The following DOP1B variants were observed in gnomAD, a reference collection of about 807,000 sequenced individuals.
DOP1B encodes the protein DOP1 leucine zipper like protein B.
DOP1B carries 174 observed loss-of-function variants against 233.5 expected under a neutral mutation model. The ratio of observed to expected loss-of-function variants is 0.75; its 90% confidence interval spans 0.66 to 0.85. DOP1B has a LOEUF of 0.85. Ranked by LOEUF, DOP1B falls within the 40% of genes least tolerant of loss-of-function variation. The pLI, the probability that DOP1B is intolerant of heterozygous loss-of-function variation, is 0.00. For synonymous variants in DOP1B, 1,190 were observed against 1,185.6 expected (o/e 1.00, Z -0.08); for missense variants, 2,652 against 2,846.6 (o/e 0.93, Z 1.56).
At chr21:36,205,554 A>G (rs765569938) in intron 4 of DOP1B, among the ~76,000 whole-genome samples, 4 of 151,820 alleles carry the variant, frequency 2.6e-5, no homozygotes, top group Non-Finnish European at 5.9e-5. Flanking sequence ...ATGCCCAGCT[A>G]ATTTTGTATT....
intron 27 of DOP1B, among the ~76,000 whole-genome samples, chr21:36,272,434 G>A (rs1189063000): frequency 1.3e-5 from 2 of 152,084 alleles, no homozygotes; most frequent in South Asian, 2.1e-4. Flanking sequence ...TGGATCACCC[G>A]AGGTCAGGAG....
chr21:36,263,486 A>G (rs748950941), intron 24 of DOP1B, 60 bp from the exon 25 acceptor site: 12 of 1,434,524 alleles, frequency 8.4e-6, no homozygotes, highest in Non-Finnish European at 1.2e-5. Flanking sequence ...ATATGCTTAT[A>G]AATAAATGTA....
chr21:36,284,849 T>A (rs527766754), intron 32 of DOP1B, among the ~76,000 whole-genome samples: 7 of 150,388 alleles, frequency 4.7e-5, no homozygotes, highest in African/African-American at 1.7e-4. Flanking sequence ...TATATAATTA[T>A]ATGACATTGT....
intron 27 of DOP1B, among the ~76,000 whole-genome samples, chr21:36,273,992 G>C (rs2067321258): frequency 6.6e-6 from 1 of 152,030 alleles, no homozygotes; most frequent in Non-Finnish European, 1.5e-5. Flanking sequence ...GCAGGAGAAT[G>C]GCGTGAACCA....
intron 2 of DOP1B, among the ~76,000 whole-genome samples, chr21:36,176,105 T>TGTGTGTGTGTGTGTGC (rs2123419356): frequency 6.6e-6 from 1 of 151,628 alleles, no homozygotes; most frequent in East Asian, 1.9e-4. Context: ...TGCGTGTGTG[T>TGTGTGTGTGTGTGTGC]GTGTGTGTGT....
At chr21:36,201,190 C>T (rs1241983103) in intron 4 of DOP1B, among the ~76,000 whole-genome samples, 1 of 152,046 alleles carries the variant, frequency 6.6e-6, no homozygotes, top group African/African-American at 2.4e-5. Flanking sequence ...GCACTTGCAG[C>T]GTGCATTACA....
chr21:36,259,345 A>C (rs1405792896), intron 23 of DOP1B, among the ~76,000 whole-genome samples: 1 of 147,390 alleles, frequency 6.8e-6, no homozygotes, highest in Non-Finnish European at 1.5e-5. Context: ...ATCTTGGTTC[A>C]CTGCAACCTC....
intron 2 of DOP1B, among the ~76,000 whole-genome samples, chr21:36,196,457 TG>T (rs2066290932): frequency 6.6e-6 from 1 of 152,162 alleles, no homozygotes; most frequent in African/African-American, 2.4e-5. Flanking sequence ...CCTTCTCTGC[TG>T]CTACCGTCAG....
chr21:36,220,602 G>A (rs938833475), intron 10 of DOP1B, among the ~76,000 whole-genome samples: 3 of 151,992 alleles, frequency 2.0e-5, no homozygotes, highest in Non-Finnish European at 4.4e-5. Context: ...CTGGGCTCAA[G>A]CGATCCTCAC....
chr21:36,207,103 T>C (rs2066434636), intron 4 of DOP1B, among the ~76,000 whole-genome samples: 1 of 151,634 alleles, frequency 6.6e-6, no homozygotes, highest in Non-Finnish European at 1.5e-5. Context: ...GCAAACAGAG[T>C]GGACCTAGTA....
chr21:36,258,483 C>T (rs1402314878), intron 23 of DOP1B, among the ~76,000 whole-genome samples: 2 of 152,110 alleles, frequency 1.3e-5, no homozygotes, highest in South Asian at 2.1e-4. Flanking sequence ...GCACATATCA[C>T]GCATGTGCGT....
chr21:36,190,381 T>G (rs1176031855), intron 2 of DOP1B, among the ~76,000 whole-genome samples: 1 of 150,388 alleles, frequency 6.6e-6, no homozygotes, highest in Non-Finnish European at 1.5e-5. Context: ...CCATTTTTCC[T>G]GGCCAGTTCA....
At chr21:36,183,977 C>T (rs1241079574) in intron 2 of DOP1B, among the ~76,000 whole-genome samples, 2 of 152,032 alleles carry the variant, frequency 1.3e-5, no homozygotes, top group East Asian at 1.9e-4. Context: ...TATTCTCCTG[C>T]CTCAGCTTCC....
chr21:36,244,844 T>C (rs12627688), intron 18 of DOP1B, among the ~76,000 whole-genome samples: 21,554 of 152,246 alleles, frequency 0.14, 1,633 homozygotes, highest in South Asian at 0.26. Flanking sequence ...AATGATCCCA[T>C]CCTTGAACAT....
At chr21:36,219,823 A>T (rs751130069) in intron 10 of DOP1B, among the ~76,000 whole-genome samples, 1 of 151,532 alleles carries the variant, frequency 6.6e-6, no homozygotes, top group Non-Finnish European at 1.5e-5. Context: ...AGGCAGCTTG[A>T]TCTAGTATAC....
At chr21:36,184,775 G>A (rs550642816) in intron 2 of DOP1B, among the ~76,000 whole-genome samples, 11 of 152,314 alleles carry the variant, frequency 7.2e-5, no homozygotes, top group South Asian at 2.1e-4. Flanking sequence ...GAGGCTCTGC[G>A]GGCTGCGGGG....
intron 2 of DOP1B, among the ~76,000 whole-genome samples, chr21:36,178,078 A>G (rs1376110563): frequency 1.3e-5 from 2 of 152,178 alleles, no homozygotes; most frequent in African/African-American, 4.8e-5. Context: ...CCTCAAACTC[A>G]TATGCTGAAG....
At chr21:36,234,953 C>G (rs2066809450) in intron 15 of DOP1B, among the ~76,000 whole-genome samples, 1 of 152,194 alleles carries the variant, frequency 6.6e-6, no homozygotes. Context: ...GCATACCCAT[C>G]ACCTTAAGCA....
At chr21:36,233,885 G>A (rs762421820) in intron 15 of DOP1B, among the ~76,000 whole-genome samples, 2 of 151,982 alleles carry the variant, frequency 1.3e-5, no homozygotes, top group Admixed American at 6.6e-5. Flanking sequence ...ACGGAGTCCC[G>A]CTCTGTCACC....
Sources: gnomAD v4.1 joint callset for allele counts (sites outside exome capture counted in the v4.1 genomes callset) on GRCh38, gnomAD v4.1.1 for gene constraint, MANE v1.5 for transcripts, NCBI Gene and HGNC (gene_info 2026-07-23, HGNC 2026-07-21) for gene names.